The following TOX2 variants were observed in gnomAD, a reference collection of about 807,000 sequenced individuals.
The protein encoded by TOX2 is TOX high mobility group box family member 2.
Under a neutral mutation model 47.4 loss-of-function variants are expected in TOX2, and 15 were observed. The ratio of observed to expected loss-of-function variants is 0.32; its 90% CI spans 0.21 to 0.49. The LOEUF (loss-of-function observed/expected upper bound fraction) is 0.49, where lower values mean the gene tolerates loss of function less well. TOX2 is among the 20% of genes least tolerant of loss of function. The probability of loss-of-function intolerance (pLI) is 0.99; values close to 1 mark genes in which losing one functional copy is unlikely to be tolerated. For missense variants in TOX2, 622 were observed against 673.1 expected, an observed-to-expected ratio of 0.92 and a Z score of 0.84; for synonymous variants, 290 against 296.6, an observed-to-expected ratio of 0.98 and a Z score of 0.23.
chr20:44,052,395 C>A (rs1042472298), intron 4 of TOX2, among the ~76,000 whole-genome samples: 2 of 152,204 alleles, frequency 1.3e-5, no homozygotes, highest in African/African-American at 4.8e-5. Flanking sequence ...GGCCTCCCAG[C>A]GAGCTAGTGG....
intron 3 of TOX2, among the ~76,000 whole-genome samples, chr20:44,030,117 G>A (rs572214365): frequency 1.2e-4 from 18 of 152,124 alleles, no homozygotes; most frequent in Admixed American, 9.8e-4. Flanking sequence ...CCCCCACCTG[G>A]AAACCCCCAC....
chr20:44,014,554 C>G (rs1445933832), intron 3 of TOX2, among the ~76,000 whole-genome samples: 3 of 152,124 alleles, frequency 2.0e-5, no homozygotes. Flanking sequence ...CAAACCCCAG[C>G]TCCCCTCCTT....
chr20:44,045,485 G>C (rs1266793426), intron 3 of TOX2, among the ~76,000 whole-genome samples: 1 of 152,156 alleles, frequency 6.6e-6, no homozygotes, highest in African/African-American at 2.4e-5. Context: ...TTTCCACACT[G>C]TGTGTATGTC....
At chr20:44,035,880 G>A (rs1025880472) in intron 3 of TOX2, among the ~76,000 whole-genome samples, 6 of 152,248 alleles carry the variant, frequency 3.9e-5, no homozygotes, top group African/African-American at 1.2e-4. Flanking sequence ...GAAGCAGCCT[G>A]GGGCAGAGAG....
intron 1 of TOX2, among the ~76,000 whole-genome samples, chr20:43,963,123 G>C (rs1209732520): frequency 6.6e-6 from 1 of 152,070 alleles, no homozygotes. Context: ...CACCATTCTA[G>C]ATGGTAGAGG....
At chr20:43,980,185 A>G (rs2070147287) in intron 2 of TOX2, among the ~76,000 whole-genome samples, 1 of 152,244 alleles carries the variant, frequency 6.6e-6, no homozygotes, top group African/African-American at 2.4e-5. Context: ...ATGGAGTATT[A>G]TTCAGCCATA....
intron 3 of TOX2, among the ~76,000 whole-genome samples, chr20:44,024,624 A>T (rs1041316067): frequency 4.6e-5 from 7 of 152,230 alleles, no homozygotes; most frequent in Middle Eastern, 6.8e-3. Context: ...TTTGATTTTT[A>T]AAAAATGGCA....
chr20:44,041,779 G>C (rs1021864578), intron 3 of TOX2, among the ~76,000 whole-genome samples: 5 of 152,108 alleles, frequency 3.3e-5, no homozygotes, highest in Non-Finnish European at 5.9e-5. Context: ...TTATTAAATA[G>C]GTCCAACAAG....
chr20:43,969,966 C>T (rs910017068), intron 1 of TOX2, among the ~76,000 whole-genome samples: 1 of 152,192 alleles, frequency 6.6e-6, no homozygotes, highest in Non-Finnish European at 1.5e-5. Flanking sequence ...AGACCAGGCC[C>T]CCTTGCCCTA....
rs535893162 is a variant in TOX2 at position 44,021,899 on chromosome 20, G to C, written c.411+15107G>C. Among the ~76,000 whole-genome samples, 3 of 151,978 alleles carry C rather than the reference G, an allele frequency of 2.0e-5. No individual in the cohort carries two copies. The East Asian group carries it at 5.8e-4, about 29-fold the overall frequency. ...GATCCTCCCACTTTGGCCTCCCAAA[G>C]TGTTGGGATTATAGGTGTGAGCCAC... On this transcript the variant is annotated intron_variant, in intron 3 of 8. Transcript: ENST00000341197.
At chr20:43,977,372 A>G (rs2070100239) in intron 2 of TOX2, among the ~76,000 whole-genome samples, 1 of 152,182 alleles carries the variant, frequency 6.6e-6, no homozygotes, top group Admixed American at 6.5e-5. Context: ...CGGCCTCCCA[A>G]AGTGGTGGGA....
intron 2 of TOX2, among the ~76,000 whole-genome samples, chr20:43,978,793 G>GTGTGTGTT (rs2070123362): frequency 6.6e-6 from 1 of 151,754 alleles, no homozygotes. Context: ...GTGTGTGTGT[G>GTGTGTGTT]TGTGTATTAG....
At chr20:44,039,136 A>G in intron 3 of TOX2, 1 of 1,254,382 alleles carries the variant, frequency 8.0e-7, no homozygotes, top group Non-Finnish European at 1.0e-6. Flanking sequence ...CCGGGAGGCA[A>G]CGTGTGGAGA....
At chr20:43,943,057 G>A (rs180944804) in intron 1 of TOX2, among the ~76,000 whole-genome samples, 18 of 152,170 alleles carry the variant, frequency 1.2e-4, no homozygotes, top group Admixed American at 6.5e-4. Flanking sequence ...CTGGAATCCG[G>A]TCTCACAGCC....
rs2145800526 is a variant in TOX2, at chr20:44,065,833, T to G, written c.1082T>G (p.Leu361Arg). ...GCCTCCTTCCTGACGCCGTCGGACC[T>G]GCAGGCCTTCCGCAGTGGGGCCTCC... is the stretch of plus-strand genomic sequence containing the variant. ...GLASFLTPSD[L>R]QAFRSGASPA... is the part of the protein sequence containing the mutation. Residue 361 changes from leucine to arginine, a missense_variant, in exon 7 of 9, where the codon CTG becomes CGG. Coordinates refer to ENST00000341197, the MANE Select transcript of TOX2 (RefSeq NM_001098797.2). The G allele has an allele frequency of 1.2e-6, 2 of 1,613,868 alleles. No individual in the cohort carries two copies. The highest frequency in any genetic ancestry group is 1.7e-6 in the Non-Finnish European group (2 of 1,179,770).
intron 2 of TOX2, among the ~76,000 whole-genome samples, chr20:43,977,302 G>C (rs1265706858): frequency 6.6e-6 from 1 of 152,068 alleles, no homozygotes; most frequent in Non-Finnish European, 1.5e-5. Flanking sequence ...GTTGAGACAG[G>C]GTTTCACCAT....
At chr20:43,982,384 C>T (rs181755693) in intron 2 of TOX2, among the ~76,000 whole-genome samples, 44 of 152,196 alleles carry the variant, frequency 2.9e-4, no homozygotes, top group African/African-American at 1.0e-3. Flanking sequence ...CAGAAGGACA[C>T]AACAGCTTTT....
intron 3 of TOX2, among the ~76,000 whole-genome samples, chr20:44,038,337 A>G (rs1170943306): frequency 6.6e-6 from 1 of 152,170 alleles, no homozygotes; most frequent in Non-Finnish European, 1.5e-5. Context: ...TGGAGGCTGC[A>G]GTGAGCTGTC....
rs1469907476 is a variant in TOX2 at position 43,915,002 on chromosome 20, C to A, written c.99+12C>A. The A allele has an allele frequency of 1.6e-6, 2 of 1,232,508 alleles. No homozygotes were observed. Among genetic ancestry groups the A allele is most frequent in the Non-Finnish European group, 2.0e-6 (2 of 985,754 alleles). 76.3% of individuals were successfully genotyped at this position (1,232,508 alleles called of 1,614,324 possible). ...ACCACGGCGGCAAGGTAGGCGGGGG[C>A]GGGCGGGGGTCCCCGGCGGGCGGGG... On this transcript the variant is annotated intron_variant, in intron 1 of 8. Coordinates refer to ENST00000341197, the MANE Select transcript of TOX2 (RefSeq NM_001098797.2). The surrounding 1 kb of genome is among the most constrained non-coding windows in gnomAD (Gnocchi z 7.1).
Sources: gnomAD v4.1 joint callset for allele counts (sites outside exome capture counted in the v4.1 genomes callset) on GRCh38, gnomAD v4.1.1 for gene constraint, Gnocchi (gnomAD v3.1) non-coding constraint, MANE v1.5 for transcripts, NCBI Gene and HGNC (gene_info 2026-07-23, HGNC 2026-07-21) for gene names.